Variants in PHLDB2 observed in about 807,000 individuals in gnomAD.
The protein encoded by PHLDB2 is pleckstrin homology like domain family B member 2.
In PHLDB2, 71 loss-of-function variants were observed where a neutral mutation model predicts 123.6. The observed-to-expected ratio is 0.57, with a 90% confidence interval of 0.47 to 0.70. The LOEUF is 0.70. PHLDB2 is among the 30% of genes least tolerant of loss of function. The pLI is 0.00. For missense variants in PHLDB2, 1,446 were observed against 1,519.5 expected (o/e 0.95, Z 0.80); for synonymous variants, 547 against 541.6 (o/e 1.01, Z -0.14).
rs200369427 is a variant in PHLDB2 at position 111,948,969 on chromosome 3, G to A, written c.2525G>A (p.Gly842Asp). ...GTAAATGAGATTAATGAGCCGTGTG[G>A]CAATTCCACGAATCTATCCCCTTCC... The part of the protein sequence containing the change: ...ISVNEINEPC[G>D]NSTNLSPSTQ... The change falls in exon 10 of 18, where the codon GGC (glycine) becomes GAC (aspartate). Residue 842 changes from glycine (G) to aspartate (D), a missense_variant. By Grantham distance (94) the Gly-to-Asp change is moderately conservative (BLOSUM62 -1). Transcript: ENST00000431670. 8 of 1,613,968 alleles carry A rather than the reference G, an allele frequency of 5.0e-6. No homozygotes were observed. The East Asian group carries it at 1.8e-4, about 36-fold the overall frequency.
intron 2 of PHLDB2, 98 bp downstream of exon 2, chr3:111,885,510 G>T: frequency 6.8e-7 from 1 of 1,464,472 alleles, no homozygotes; most frequent in South Asian, 1.1e-5. Context: ...GGGAATATAG[G>T]ATATTCATGT....
intron 1 of PHLDB2, among the ~76,000 whole-genome samples, chr3:111,781,399 T>C (rs1320986925): frequency 6.6e-6 from 1 of 152,078 alleles, no homozygotes; most frequent in Non-Finnish European, 1.5e-5. Context: ...CCCCAAATCC[T>C]GTATTACATT....
intron 3 of PHLDB2, 42 bp downstream of exon 3, chr3:111,913,744 G>A: frequency 6.6e-7 from 1 of 1,525,808 alleles, no homozygotes; most frequent in African/African-American, 1.4e-5. Flanking sequence ...TAAGGTCTAG[G>A]GCTGTGCATA....
intron 1 of PHLDB2, among the ~76,000 whole-genome samples, chr3:111,838,004 C>T (rs1373037517): frequency 1.3e-5 from 2 of 151,768 alleles, no homozygotes; most frequent in African/African-American, 2.4e-5. Context: ...ATCGTCCCAC[C>T]GCACTCCAGC....
Position 111,884,519 on chromosome 3 carries a change from T to C in PHLDB2, c.442T>C (p.Tyr148His). The C allele has an allele frequency of 6.2e-7, 1 of 1,614,140 alleles. No individual in the cohort carries two copies. Among genetic ancestry groups the C allele is most frequent in the Non-Finnish European group, 8.5e-7 (1 of 1,180,016 alleles). Residue 148 changes from tyrosine to histidine, a missense_variant, in exon 2 of 18, where the codon TAT (tyrosine) becomes CAT (histidine). By Grantham distance (83) the Tyr-to-His change is moderately conservative. Transcript: ENST00000431670. ...CTTGAGGCTCTCAGAGAAGCCTCCC[T>C]ATTCCAAATATAGCTCAAGGCATAA... is the stretch of plus-strand genomic sequence containing the variant. ...RALRLSEKPP[Y>H]SKYSSRHKSH...
intron 1 of PHLDB2, among the ~76,000 whole-genome samples, chr3:111,829,211 C>G (rs549912141): frequency 5.5e-4 from 84 of 151,958 alleles, no homozygotes; most frequent in Non-Finnish European, 1.1e-3. Context: ...CCCACATTGC[C>G]CCATCTCGCA....
chr3:111,834,209 G>A (rs187517400), intron 1 of PHLDB2, among the ~76,000 whole-genome samples: 12,314 of 28,902 alleles, frequency 0.43, 2,452 homozygotes, highest in African/African-American at 0.6. Context: ...AATTATATAT[G>A]TAATAGAATT....
At chr3:111,852,395 T>TA (rs1468946994) in intron 2 of PHLDB2, among the ~76,000 whole-genome samples, 8 of 148,454 alleles carry the variant, frequency 5.4e-5, no homozygotes, top group Admixed American at 4.7e-4. Context: ...ATATTATACA[T>TA]AGGATTATAT....
chr3:111,969,660 A>G, intron 15 of PHLDB2, 30 bp from the exon 16 acceptor site: 1 of 1,561,768 alleles, frequency 6.4e-7, no homozygotes, highest in Non-Finnish European at 8.8e-7. Context: ...ATAATTAGCT[A>G]TAGATGCAAT....
chr3:111,917,971 T>C (rs2068275065), intron 3 of PHLDB2, among the ~76,000 whole-genome samples: 1 of 152,166 alleles, frequency 6.6e-6, no homozygotes, highest in Non-Finnish European at 1.5e-5. Context: ...TTTTCATTTG[T>C]GAAACTGTAT....
In PHLDB2 at chr3:111,932,512, GT is replaced by G. The variant is rs1270007924; in HGVS notation, c.2130+116del. ...ATAGCATAAGTTTGCATAAGTTCTA[GT>G]CATTAGATACGTTTAAATGGAAATA... On this transcript the variant is annotated intron_variant, in intron 6 of 17. Coordinates refer to ENST00000431670, the MANE Select transcript of PHLDB2 (RefSeq NM_001134438.2). The G allele has an allele frequency of 3.7e-6, 4 of 1,086,472 alleles. No homozygotes were observed. The African/African-American group carries it at 6.4e-5, about 17-fold the overall frequency. The allele number at this position is 1,086,472 out of a possible 1,614,324, so 67.3% of individuals were successfully genotyped here.
intron 1 of PHLDB2, among the ~76,000 whole-genome samples, chr3:111,732,901 T>G (rs573773818): frequency 6.6e-6 from 1 of 152,230 alleles, no homozygotes; most frequent in Non-Finnish European, 1.5e-5. Flanking sequence ...CTATCTCTTC[T>G]GAAAATTGTT....
At chr3:111,898,459 A>G (rs1408287110) in intron 2 of PHLDB2, among the ~76,000 whole-genome samples, 1 of 152,134 alleles carries the variant, frequency 6.6e-6, no homozygotes, top group Non-Finnish European at 1.5e-5. Flanking sequence ...CTGGGATTAC[A>G]GGTGTGAGCC....
At chr3:111,772,439 T>C (rs1246302044) in intron 1 of PHLDB2, among the ~76,000 whole-genome samples, 1 of 152,080 alleles carries the variant, frequency 6.6e-6, no homozygotes, top group African/African-American at 2.4e-5. Flanking sequence ...GCTAAACCTA[T>C]GAAGGGGAGT....
intron 1 of PHLDB2, among the ~76,000 whole-genome samples, chr3:111,768,550 T>TA (rs2060121308): frequency 6.6e-6 from 1 of 152,156 alleles, no homozygotes; most frequent in Non-Finnish European, 1.5e-5. Context: ...AATGATCTGC[T>TA]ATAAGATTTC....
chr3:111,964,684 A>T (rs573037737), intron 13 of PHLDB2, among the ~76,000 whole-genome samples: 1 of 152,174 alleles, frequency 6.6e-6, no homozygotes, highest in Non-Finnish European at 1.5e-5. Context: ...ACATCAAAAC[A>T]TCATGTTATA....
At chr3:111,781,513 C>A (rs2060476661) in intron 1 of PHLDB2, among the ~76,000 whole-genome samples, 1 of 152,096 alleles carries the variant, frequency 6.6e-6, no homozygotes, top group African/African-American at 2.4e-5. Flanking sequence ...TTTTTATCAG[C>A]ATCTCCCCAA....
chr3:111,739,423 G>A (rs1307133802), intron 1 of PHLDB2, among the ~76,000 whole-genome samples: 9 of 151,986 alleles, frequency 5.9e-5, no homozygotes, highest in Non-Finnish European at 1.0e-4. Flanking sequence ...ATAAATAAAC[G>A]GAAGCCCTTA....
chr3:111,795,716 G>C (rs914335967), intron 1 of PHLDB2, among the ~76,000 whole-genome samples: 23 of 151,966 alleles, frequency 1.5e-4, no homozygotes, highest in Non-Finnish European at 5.9e-5. Flanking sequence ...TAAAGACCTG[G>C]GTAGGTTTTT....
Sources: allele counts gnomAD v4.1 joint callset (sites outside exome capture counted in the v4.1 genomes callset), GRCh38; gene constraint gnomAD v4.1.1; transcripts MANE v1.5; gene names NCBI Gene and HGNC (gene_info 2026-07-23, HGNC 2026-07-21).